Variants in ATP11A observed in about 807,000 individuals in gnomAD.
ATP11A encodes the protein phospholipid-transporting ATPase IH.
In ATP11A, 81 loss-of-function variants were observed where a neutral mutation model predicts 154.4. The ratio of observed to expected loss-of-function variants is 0.52; its 90% CI spans 0.44 to 0.63. The LOEUF is 0.63. Ranked by LOEUF, ATP11A falls within the 30% of genes least tolerant of loss-of-function variation. The pLI is 0.00. For synonymous variants in ATP11A, 623 were observed against 585.9 expected, an observed-to-expected ratio of 1.06 and a Z score of -0.91; for missense variants, 1,316 against 1,474.3, an observed-to-expected ratio of 0.89 and a Z score of 1.76.
At chr13:112,779,018 A>G (rs1219342511) in intron 1 of ATP11A, among the ~76,000 whole-genome samples, 1 of 139,908 alleles carries the variant, frequency 7.1e-6, no homozygotes, top group Non-Finnish European at 1.5e-5. Context: ...CACTGGAGTG[A>G]GTAGCCGCTG....
In ATP11A at chr13:112,785,013, G is replaced by A. The variant is rs1271337780; in HGVS notation, c.40-122G>A. On this transcript the variant is annotated intron_variant, in intron 1 of 29. Transcript: ENST00000375645. This position sits in a 1 kb window ranked among gnomAD's most constrained non-coding sequence, Gnocchi z 4.8. ...CCCAGGTCTCCCTGCAGCCCTGAAC[G>A]ATGCTCTCAGCAGCAGGTACAGGTC... 8.0e-6 allele frequency: 10 copies of A among 1,252,368 alleles called. No homozygotes were observed. The highest frequency in any genetic ancestry group is 1.5e-5 in the African/African-American group (1 of 64,532). 77.6% of individuals were successfully genotyped at this position (1,252,368 alleles called of 1,614,324 possible).
At chr13:112,788,287 T>TGTA (rs1187137253) in intron 2 of ATP11A, among the ~76,000 whole-genome samples, 21 of 148,228 alleles carry the variant, frequency 1.4e-4, no homozygotes, top group African/African-American at 5.0e-4. Context: ...TATTCTGACA[T>TGTA]GTAGACCCCT....
At chr13:112,704,245 A>G (rs1886898676) in intron 1 of ATP11A, among the ~76,000 whole-genome samples, 2 of 152,194 alleles carry the variant, frequency 1.3e-5, no homozygotes, top group Non-Finnish European at 2.9e-5. Context: ...GGTCTTTACC[A>G]TCCATTAAGT....
intron 1 of ATP11A, among the ~76,000 whole-genome samples, chr13:112,763,211 T>A (rs1279920120): frequency 6.6e-6 from 1 of 152,014 alleles, no homozygotes; most frequent in African/African-American, 2.4e-5. Flanking sequence ...AAAACAAAAT[T>A]CTAAGCCCCC....
chr13:112,828,426 T>TC (rs2079001273), intron 12 of ATP11A, among the ~76,000 whole-genome samples: 2 of 89,938 alleles, frequency 2.2e-5, no homozygotes, highest in African/African-American at 4.6e-5. Flanking sequence ...CGGTGTTGAG[T>TC]GGGGGGAAAG....
chr13:112,733,476 A>T (rs576475054), intron 1 of ATP11A, among the ~76,000 whole-genome samples: 118 of 152,326 alleles, frequency 7.7e-4, no homozygotes, highest in African/African-American at 2.7e-3. Flanking sequence ...AATTTAAAAC[A>T]CCTTTGACAT....
chr13:112,882,074 C>T lies in ATP11A; in HGVS notation c.*208C>T. ...GGGAATGCTCGTGTGATGGATGGTC[C>T]TAAGCCTGTGGAGACTGTGCACGTG... On this transcript the variant is annotated 3_prime_UTR_variant, in exon 30 of 30. Transcript: ENST00000375645. This position sits in a 1 kb window ranked among gnomAD's most constrained non-coding sequence, Gnocchi z 5.1. 1.5e-6 allele frequency: 2 copies of T among 1,366,930 alleles called. No homozygotes were observed. Among genetic ancestry groups the T allele is most frequent in the Non-Finnish European group, 2.0e-6 (2 of 1,021,686 alleles). The allele number at this position is 1,366,930 out of a possible 1,614,324, so 84.7% of individuals were successfully genotyped here.
chr13:112,764,661 C>A (rs1311271002), intron 1 of ATP11A, among the ~76,000 whole-genome samples: 1 of 152,232 alleles, frequency 6.6e-6, no homozygotes, highest in Non-Finnish European at 1.5e-5. Context: ...CCCCCTGCAT[C>A]AGGCTGTGCA....
rs551425086 is a variant in ATP11A, at chr13:112,720,910, C to T, written c.39+30455C>T. On this transcript the variant is annotated intron_variant, in intron 1 of 29. Transcript: ENST00000375645. ...CAGGCGTGTTCAACCTCCCTTATGTCGTGGCCGAGAATTCAGTTTTGAAGT... is the reference window on the plus strand; with the variant it reads ...CAGGCGTGTTCAACCTCCCTTATGTTGTGGCCGAGAATTCAGTTTTGAAGT... 4.7e-4 allele frequency among the ~76,000 whole-genome samples: 71 copies of T among 152,220 alleles called. No homozygotes were observed. In the South Asian group the frequency reaches 0.011, roughly 24 times the overall value.
intron 2 of ATP11A, among the ~76,000 whole-genome samples, chr13:112,802,111 G>A (rs188171408): frequency 1.3e-4 from 20 of 152,240 alleles, no homozygotes; most frequent in Admixed American, 5.2e-4. Context: ...TTGGGAGGCC[G>A]AGGCGGGCGG....
intron 5 of ATP11A, among the ~76,000 whole-genome samples, chr13:112,812,347 G>T (rs1279605168): frequency 6.6e-6 from 1 of 152,130 alleles, no homozygotes; most frequent in Non-Finnish European, 1.5e-5. Flanking sequence ...ACCCTGCCTG[G>T]CTCTTTCCAA....
At chr13:112,764,235 C>G (rs2077024722) in intron 1 of ATP11A, among the ~76,000 whole-genome samples, 1 of 152,188 alleles carries the variant, frequency 6.6e-6, no homozygotes, top group African/African-American at 2.4e-5. Context: ...TGACATCGCT[C>G]CTGGACACTT....
At chr13:112,726,880 A>G (rs1889942914) in intron 1 of ATP11A, among the ~76,000 whole-genome samples, 1 of 152,216 alleles carries the variant, frequency 6.6e-6, no homozygotes, top group Non-Finnish European at 1.5e-5. Context: ...AATAATTGTA[A>G]AGACATCTTC....
intron 1 of ATP11A, among the ~76,000 whole-genome samples, chr13:112,773,431 G>T (rs2077273348): frequency 6.6e-6 from 1 of 152,234 alleles, no homozygotes; most frequent in African/African-American, 2.4e-5. Context: ...CCACGGGTGA[G>T]TCTTGCTTTC....
At position 112,887,120 on chromosome 13, in the gene ATP11A, A is replaced by G. The variant is rs1416450170; in HGVS notation, c.*5254A>G. 6.6e-6 allele frequency: 1 copy of G among 152,232 alleles called. No homozygotes were observed. The highest frequency in any genetic ancestry group is 6.5e-5 in the Admixed American group (1 of 15,290). 9.4% of individuals were successfully genotyped at this position (152,232 alleles called of 1,614,324 possible). A position where few individuals can be genotyped will look rare whatever the true frequency, so the allele number is the denominator to read the frequency against. On this transcript the variant is annotated 3_prime_UTR_variant, in exon 30 of 30. Transcript: ENST00000375645. ...AGCAGGAGACCTGAATCTGCTTGCA[A>G]TAAAGAATAAAAGTCTGCTTCAGTT...
intron 1 of ATP11A, among the ~76,000 whole-genome samples, chr13:112,776,894 G>A (rs2139980671): frequency 6.7e-6 from 1 of 148,652 alleles, no homozygotes; most frequent in South Asian, 2.2e-4. Flanking sequence ...CCCGCGACCA[G>A]CCGAGATGAC....
chr13:112,809,988 C>T (rs1049440239), intron 4 of ATP11A, among the ~76,000 whole-genome samples: 1 of 152,206 alleles, frequency 6.6e-6, no homozygotes, highest in Non-Finnish European at 1.5e-5. Flanking sequence ...CCTGCCTGTG[C>T]GTGCACGGGA....
intron 1 of ATP11A, among the ~76,000 whole-genome samples, chr13:112,772,098 AT>A (rs949575909): frequency 2.6e-5 from 4 of 151,948 alleles, no homozygotes; most frequent in Non-Finnish European, 5.9e-5. Context: ...ATACTGTCCT[AT>A]TTTTTTTAAT....
In ATP11A at chr13:112,847,506, G is replaced by T. The variant is rs372059539; in HGVS notation, c.1810-3531G>T. Among the ~76,000 whole-genome samples, 104 of 152,274 alleles carry T rather than the reference G, an allele frequency of 6.8e-4. 1 individual carries two copies. The highest frequency in any genetic ancestry group is 2.5e-3 in the African/African-American group (102 of 41,540). On this transcript the variant is annotated intron_variant, in intron 17 of 29. Transcript: ENST00000375645. The stretch of plus-strand genomic sequence containing the variant: ...TATCCAGTTTTCCCAGCACCATTTG[G>T]TGAAGACTCTCCTCTCCCACTGAGT...
Sources: gnomAD v4.1 joint callset for allele counts (sites outside exome capture counted in the v4.1 genomes callset) on GRCh38, gnomAD v4.1.1 for gene constraint, Gnocchi (gnomAD v3.1) non-coding constraint, MANE v1.5 for transcripts, NCBI Gene and HGNC (gene_info 2026-07-23, HGNC 2026-07-21) for gene names.